The following CTNNA3 variants were observed in gnomAD, a reference collection of about 807,000 sequenced individuals.
CTNNA3 encodes the protein catenin alpha 3.
A neutral mutation model predicts 95.7 loss-of-function variants in CTNNA3; 76 were observed. The observed-to-expected ratio is 0.79, with a 90% CI of 0.66 to 0.96. The LOEUF (loss-of-function observed/expected upper bound fraction) is 0.96, where lower values mean the gene tolerates loss of function less well. CTNNA3 is among the 40% of genes least tolerant of loss of function. The pLI is 0.00. For synonymous variants in CTNNA3, 431 were observed against 374.4 expected (o/e 1.15, Z -1.74); for missense variants, 1,191 against 1,089.8 (o/e 1.09, Z -1.31).
chr10:66,226,490 C>A (rs1564787014), intron 13 of CTNNA3, among the ~76,000 whole-genome samples: 1 of 151,676 alleles, frequency 6.6e-6, no homozygotes, highest in African/African-American at 2.4e-5. Flanking sequence ...CAGTATTATG[C>A]CTCTAGCTTT....
intron 7 of CTNNA3, among the ~76,000 whole-genome samples, chr10:66,978,101 C>T (rs1011969710): frequency 2.0e-5 from 3 of 151,480 alleles, no homozygotes; most frequent in Admixed American, 6.6e-5. Context: ...CATGCGATGA[C>T]GTTCCTGAAA....
rs35905009 is a variant in CTNNA3, at chr10:67,028,648, TAA to T, written c.1047+151667_1047+151668del. On this transcript the variant is annotated intron_variant, in intron 7 of 17. Coordinates refer to ENST00000433211, the MANE Select transcript of CTNNA3 (RefSeq NM_013266.4). ...ACTGATACAACAAGCTAGTTCTACT[TAA>T]AAAAAAAAAAAAAAAGTTCTTGGAG... Among the ~76,000 whole-genome samples, 896 of 142,222 alleles carry T rather than the reference TAA, an allele frequency of 6.3e-3. 6 individuals carry two copies. The highest frequency in any genetic ancestry group is 0.019 in the African/African-American group (719 of 38,660). 93.3% of individuals were successfully genotyped at this position (142,222 alleles called of 152,430 possible).
intron 13 of CTNNA3, among the ~76,000 whole-genome samples, chr10:66,123,622 C>A (rs562808472): frequency 2.0e-5 from 3 of 152,354 alleles, no homozygotes; most frequent in African/African-American, 7.2e-5. Flanking sequence ...AGCAGAGGTT[C>A]TCCATGGGAT....
chr10:67,119,107 T>C (rs749822459), intron 7 of CTNNA3, among the ~76,000 whole-genome samples: 59 of 151,980 alleles, frequency 3.9e-4, no homozygotes, highest in Non-Finnish European at 5.0e-4. Context: ...TGTGTGTTCA[T>C]ATTAGCTCTA....
intron 1 of CTNNA3, among the ~76,000 whole-genome samples, chr10:67,726,514 T>G (rs1442169095): frequency 1.5e-5 from 1 of 66,076 alleles, no homozygotes; most frequent in African/African-American, 6.5e-5. Flanking sequence ...ATATTATATA[T>G]TATATTATAT....
intron 7 of CTNNA3, among the ~76,000 whole-genome samples, chr10:66,938,711 T>C (rs1329030253): frequency 2.0e-5 from 3 of 152,182 alleles, no homozygotes. Context: ...ATGTTCTGAT[T>C]TAAATTGCTT....
intron 3 of CTNNA3, among the ~76,000 whole-genome samples, chr10:67,550,102 T>G (rs1450465779): frequency 6.6e-6 from 1 of 152,234 alleles, no homozygotes; most frequent in Non-Finnish European, 1.5e-5. Flanking sequence ...TTAGTTGGCT[T>G]TCATATCTTA....
At chr10:66,621,290 T>G (rs1256357698) in intron 10 of CTNNA3, among the ~76,000 whole-genome samples, 1 of 152,104 alleles carries the variant, frequency 6.6e-6, no homozygotes, top group East Asian at 1.9e-4. Context: ...TACTCTCTTT[T>G]TAAGAATCGC....
chr10:66,702,894 A>G (rs572289385), intron 9 of CTNNA3, among the ~76,000 whole-genome samples: 13 of 152,108 alleles, frequency 8.5e-5, no homozygotes, highest in Non-Finnish European at 1.6e-4. Flanking sequence ...TATCCATAGG[A>G]ACTTTTTCTT....
intron 5 of CTNNA3, among the ~76,000 whole-genome samples, chr10:67,296,934 CAAAAAAAAAA>C (rs1210482029): frequency 0.028 from 493 of 17,660 alleles, 5 homozygotes; most frequent in African/African-American, 0.091. Context: ...AACGCTGTCT[CAAAAAAAAAA>C]AAAAAAAAAA....
At chr10:66,233,554 A>C (rs12775389) in intron 13 of CTNNA3, among the ~76,000 whole-genome samples, 17,814 of 152,168 alleles carry the variant, frequency 0.12, 1,128 homozygotes, top group African/African-American at 0.16. Context: ...ATCAATAAAC[A>C]CATAAAATGG....
Position 66,736,310 on chromosome 10 carries a change from C to T in CTNNA3, c.1281+29954G>A, listed in dbSNP as rs1849138740. 4.6e-5 allele frequency among the ~76,000 whole-genome samples: 7 copies of T among 151,864 alleles called. No homozygotes were observed. In the South Asian group the frequency reaches 1.5e-3, roughly 31 times the overall value. On this transcript the variant is annotated intron_variant, in intron 9 of 17. Coordinates refer to ENST00000433211, the MANE Select transcript of CTNNA3 (RefSeq NM_013266.4). ...AAGCAATTCTCCTGCCTCAGCCTCC[C>T]GAGTAGCTGGGACTACAGGCGCACG... is the stretch of plus-strand genomic sequence containing the variant.
chr10:66,720,456 C>T (rs1589166570), intron 9 of CTNNA3, among the ~76,000 whole-genome samples: 1 of 152,180 alleles, frequency 6.6e-6, no homozygotes, highest in Non-Finnish European at 1.5e-5. Context: ...CTGGACAAAA[C>T]CGCCTTCTCC....
At chr10:66,925,680 T>C (rs1401409236) in intron 7 of CTNNA3, among the ~76,000 whole-genome samples, 1 of 152,218 alleles carries the variant, frequency 6.6e-6, no homozygotes, top group Non-Finnish European at 1.5e-5. Context: ...TAATTCATTT[T>C]ATAAATTTCA....
Position 66,284,398 on chromosome 10 carries a change from C to T in CTNNA3, c.1733-3777G>A, listed in dbSNP as rs529510375. 1.1e-4 allele frequency among the ~76,000 whole-genome samples: 16 copies of T among 151,914 alleles called. No individual in the cohort carries two copies. In the East Asian group the frequency reaches 3.1e-3, roughly 29 times the overall value. On this transcript the variant is annotated intron_variant, in intron 12 of 17. Transcript: ENST00000433211. Reference sequence around the variant, plus strand: ...TTGGCTGGTAATTGAGAATATAGAGCCAGCTCTCTGAACCCTAAATCTGCA... The same window carrying T: ...TTGGCTGGTAATTGAGAATATAGAGTCAGCTCTCTGAACCCTAAATCTGCA...
At chr10:67,351,383 T>TA (rs5785823) in intron 5 of CTNNA3, among the ~76,000 whole-genome samples, 108,786 of 151,742 alleles carry the variant, frequency 0.72, 43,069 homozygotes, top group Non-Finnish European at 0.88. Flanking sequence ...CACTTTCAAA[T>TA]AAAAAATCTC....
At chr10:67,677,631 G>T (rs1412847740) in intron 1 of CTNNA3, among the ~76,000 whole-genome samples, 1 of 152,068 alleles carries the variant, frequency 6.6e-6, no homozygotes, top group Non-Finnish European at 1.5e-5. Flanking sequence ...CTGCTTTTCA[G>T]GTAGCCAGGG....
At chr10:67,073,085 C>A (rs747261103) in intron 7 of CTNNA3, among the ~76,000 whole-genome samples, 21 of 152,188 alleles carry the variant, frequency 1.4e-4, no homozygotes, top group Non-Finnish European at 2.8e-4. Flanking sequence ...TAAGCAAATG[C>A]CCTCAGGGAA....
chr10:66,473,705 C>T (rs1839218417), intron 11 of CTNNA3, among the ~76,000 whole-genome samples: 1 of 151,960 alleles, frequency 6.6e-6, no homozygotes, highest in African/African-American at 2.4e-5. Flanking sequence ...GTGATGTTCC[C>T]CTTCCTGTGT....
Sources: allele counts gnomAD v4.1 joint callset (sites outside exome capture counted in the v4.1 genomes callset), GRCh38; gene constraint gnomAD v4.1.1; transcripts MANE v1.5; gene names NCBI Gene and HGNC (gene_info 2026-07-23, HGNC 2026-07-21).